ADARB2: variants seen among roughly 807,000 people sequenced by gnomAD.
The protein encoded by ADARB2 is adenosine deaminase RNA specific B2 (inactive), also known as inactive double-stranded RNA-specific editase B2.
In ADARB2, 25 loss-of-function variants were observed where a neutral mutation model predicts 62.2. The ratio of observed to expected loss-of-function variants is 0.40; its 90% CI spans 0.29 to 0.56. The LOEUF (loss-of-function observed/expected upper bound fraction) is 0.56. Among genes scored for constraint, ADARB2 ranks in the 20% least tolerant of loss-of-function variants. The pLI, the probability that ADARB2 is intolerant of heterozygous loss-of-function variation, is 0.43. For synonymous variants in ADARB2, 572 were observed against 500.8 expected (o/e 1.14, Z -1.90); for missense variants, 1,071 against 1,077.4 (o/e 0.99, Z 0.08).
At position 1,459,977 on chromosome 10, in the gene ADARB2, T is replaced by C. The variant is rs924525980; in HGVS notation, c.101-80817A>G. ...TGCCTGTGACCTGAGTTTACCTGTG[T>C]AGCAAACCTGCCTGTGACCTGAGTT... On this transcript the variant is annotated intron_variant, in intron 1 of 9. Transcript: ENST00000381312. Among the ~76,000 whole-genome samples the C allele has an allele frequency of 7.1e-5, 9 of 127,286 alleles. No homozygotes were observed. The South Asian group carries it at 7.7e-4, about 11-fold the overall frequency. 83.5% of individuals were successfully genotyped at this position (127,286 alleles called of 152,430 possible). A position where few individuals can be genotyped will look rare whatever the true frequency, so the allele number is the denominator to read the frequency against.
intron 8 of ADARB2, 111 bp from the exon 9 acceptor site, chr10:1,185,150 C>T (rs1384866501): frequency 4.5e-6 from 6 of 1,338,116 alleles, no homozygotes; most frequent in Non-Finnish European, 5.0e-6. Flanking sequence ...AATGGTCCTC[C>T]CTTTTCATCC....
At chr10:1,228,034 A>G (rs767870193) in intron 6 of ADARB2, among the ~76,000 whole-genome samples, 22 of 152,362 alleles carry the variant, frequency 1.4e-4, no homozygotes, top group South Asian at 2.1e-4. Context: ...CTGTAACTCA[A>G]TGGGAAAATC....
chr10:1,630,339 A>AAT (rs1226696490), intron 1 of ADARB2, among the ~76,000 whole-genome samples: 6 of 152,264 alleles, frequency 3.9e-5, no homozygotes, highest in Admixed American at 3.9e-4. Flanking sequence ...AACGCAGTAC[A>AAT]GAAGCAAGGC....
At chr10:1,585,462 CAA>C (rs1833163360) in intron 1 of ADARB2, among the ~76,000 whole-genome samples, 1 of 152,172 alleles carries the variant, frequency 6.6e-6, no homozygotes, top group South Asian at 2.1e-4. Flanking sequence ...AGACAGAATT[CAA>C]AGTCATCCCC....
chr10:1,389,107 A>G (rs1432756413), intron 1 of ADARB2, among the ~76,000 whole-genome samples: 1 of 152,176 alleles, frequency 6.6e-6, no homozygotes, highest in Non-Finnish European at 1.5e-5. Context: ...AATGATTCTG[A>G]GCCCTACCTC....
At chr10:1,329,760 TG>T (rs1442060289) in intron 3 of ADARB2, among the ~76,000 whole-genome samples, 4 of 152,040 alleles carry the variant, frequency 2.6e-5, no homozygotes, top group South Asian at 2.1e-4. Context: ...GCGAACCACC[TG>T]GGGGCTTGGT....
At chr10:1,306,362 G>C (rs1176876027) in intron 3 of ADARB2, among the ~76,000 whole-genome samples, 6 of 151,796 alleles carry the variant, frequency 4.0e-5, no homozygotes. Flanking sequence ...GGGATGTGAA[G>C]GACCTCTTCA....
At chr10:1,266,368 C>G (rs1445090078) in intron 4 of ADARB2, among the ~76,000 whole-genome samples, 1 of 152,228 alleles carries the variant, frequency 6.6e-6, no homozygotes, top group Non-Finnish European at 1.5e-5. Flanking sequence ...GGCCAAGCAT[C>G]CTGCTCTCTG....
intron 2 of ADARB2, among the ~76,000 whole-genome samples, chr10:1,373,750 G>A (rs1832394752): frequency 2.7e-5 from 2 of 73,462 alleles, no homozygotes; most frequent in Admixed American, 1.9e-4. Context: ...AATTCCTGAT[G>A]TGGACTCCAT....
At chr10:1,578,020 C>T (rs947973968) in intron 1 of ADARB2, among the ~76,000 whole-genome samples, 1 of 152,194 alleles carries the variant, frequency 6.6e-6, no homozygotes, top group Admixed American at 6.5e-5. Flanking sequence ...TCTCAGACTC[C>T]AGCCTCCAGG....
rs1004432172 is a variant in ADARB2 at position 1,179,179 on chromosome 10, T to G, written c.*4014A>C. On this transcript the variant is annotated 3_prime_UTR_variant, in exon 10 of 10. Coordinates refer to ENST00000381312, the MANE Select transcript of ADARB2 (RefSeq NM_018702.4). Reference sequence around the variant, plus strand: ...TGATATCCTCTGTATTTACTGTTTATGGCTCTCCAGACGTGATAAACATTA... The same window carrying G: ...TGATATCCTCTGTATTTACTGTTTAGGGCTCTCCAGACGTGATAAACATTA... 6.6e-6 allele frequency: 1 copy of G among 152,046 alleles called. No homozygotes were observed. The highest frequency in any genetic ancestry group is 2.4e-5 in the African/African-American group (1 of 41,332). The allele number at this position is 152,046 out of a possible 1,614,324, so 9.4% of individuals were successfully genotyped here.
chr10:1,234,944 G>A lies in ADARB2; in HGVS notation c.1362-1099C>T, dbSNP rs527524645. Among the ~76,000 whole-genome samples, 12 of 151,980 alleles carry A rather than the reference G, an allele frequency of 7.9e-5. No homozygotes were observed. In the South Asian group the frequency reaches 2.5e-3, roughly 32 times the overall value. ...TTGTATTTTTAGTAGAGATGGTTTTGCCATGTTGGCCAGGCTGGTTTTGAA... is the reference window on the plus strand; with the variant it reads ...TTGTATTTTTAGTAGAGATGGTTTTACCATGTTGGCCAGGCTGGTTTTGAA... On this transcript the variant is annotated intron_variant, in intron 5 of 9. Transcript: ENST00000381312.
intron 1 of ADARB2, among the ~76,000 whole-genome samples, chr10:1,703,817 C>A (rs1834854275): frequency 6.6e-6 from 1 of 152,160 alleles, no homozygotes. Context: ...TCCACCAAAT[C>A]TTTTGACCAC....
rs529768103 is a variant in ADARB2 at position 1,421,424 on chromosome 10, G to A, written c.101-42264C>T. Among the ~76,000 whole-genome samples the A allele has an allele frequency of 3.3e-5, 5 of 152,080 alleles. No individual in the cohort carries two copies. The South Asian group carries it at 1.0e-3, about 32-fold the overall frequency. On this transcript the variant is annotated intron_variant, in intron 1 of 9. Transcript: ENST00000381312. ...ACTAAATCTTTTTGGGTAACAATGG[G>A]CTTACTCCTAAAAGCAGTGGGAGGT...
chr10:1,529,631 C>T (rs1199326326), intron 1 of ADARB2, among the ~76,000 whole-genome samples: 1 of 152,222 alleles, frequency 6.6e-6, no homozygotes, highest in East Asian at 1.9e-4. Flanking sequence ...TCAAATCTCC[C>T]CCATTTAAAA....
chr10:1,221,246 C>T (rs144858590), intron 6 of ADARB2, among the ~76,000 whole-genome samples: 57 of 152,270 alleles, frequency 3.7e-4, no homozygotes, highest in African/African-American at 1.3e-3. Flanking sequence ...CATAGATGCT[C>T]ACAAATCCAT....
intron 1 of ADARB2, among the ~76,000 whole-genome samples, chr10:1,549,437 T>C (rs1321975615): frequency 6.6e-6 from 1 of 151,994 alleles, no homozygotes; most frequent in East Asian, 1.9e-4. Flanking sequence ...GTGGGAGAAA[T>C]GCAGGAAGGA....
intron 1 of ADARB2, among the ~76,000 whole-genome samples, chr10:1,695,699 C>G (rs555708680): frequency 3.7e-4 from 56 of 152,166 alleles, no homozygotes; most frequent in African/African-American, 1.3e-3. Context: ...AATGTGTGTG[C>G]ATGTATGCAA....
chr10:1,406,546 T>C (rs1832709486), intron 1 of ADARB2, among the ~76,000 whole-genome samples: 1 of 152,194 alleles, frequency 6.6e-6, no homozygotes, highest in Admixed American at 6.5e-5. Context: ...AAACTTGGCC[T>C]TGACTTTCCC....
Sources: allele counts gnomAD v4.1 joint callset (sites outside exome capture counted in the v4.1 genomes callset), GRCh38; gene constraint gnomAD v4.1.1; transcripts MANE v1.5; gene names NCBI Gene and HGNC (gene_info 2026-07-23, HGNC 2026-07-21).